NBPF9: variants seen among roughly 807,000 people sequenced by gnomAD.
The protein encoded by NBPF9 is NBPF family member NBPF9.
In NBPF9, 91 loss-of-function variants were observed where a neutral mutation model predicts 97.8. That is an observed-to-expected ratio of 0.93 (90% CI 0.79 to 1.11). The LOEUF is 1.11. Ranked by LOEUF, NBPF9 falls within the 50% of genes least tolerant of loss-of-function variation. The pLI is 0.00. For missense variants in NBPF9, 992 were observed against 939.5 expected (o/e 1.06, Z -0.73); for synonymous variants, 334 against 359.5 (o/e 0.93, Z 0.80).
At chr1:149,093,566 TGC>T (rs2081555207) in intron 4 of NBPF9, among the ~76,000 whole-genome samples, 1 of 129,202 alleles carries the variant, frequency 7.7e-6, no homozygotes, top group East Asian at 2.4e-4. Flanking sequence ...CAGTGTAGTG[TGC>T]CTCTGGGTAC....
In NBPF9 at chr1:149,099,350, G is replaced by A. The variant is rs1553662700; in HGVS notation, c.-605-644C>T. Among the ~76,000 whole-genome samples the A allele has an allele frequency of 2.0e-5, 3 of 152,318 alleles. No homozygotes were observed. The East Asian group carries it at 5.8e-4, about 29-fold the overall frequency. On this transcript the variant is annotated intron_variant, in intron 3 of 29. Transcript: ENST00000584027. ...ATTTTTCATTGACATTTCCTTTTAT[G>A]TCAGGTTGACTGTGACTCTGCTGTA...
chr1:149,063,015 A>G (rs1267742475), intron 20 of NBPF9, 102 bp from the exon 21 acceptor site: 12 of 594,548 alleles, frequency 2.0e-5, no homozygotes, highest in African/African-American at 4.1e-5. Context: ...GCTCCTCAGC[A>G]TGAGAATAGG....
chr1:149,071,178 A>G (rs1553652869), intron 15 of NBPF9, 39 bp from the exon 16 acceptor site: 4 of 1,319,096 alleles, frequency 3.0e-6, no homozygotes, highest in Non-Finnish European at 3.3e-6. Context: ...AGAAGATTAA[A>G]CACAGAGGGA....
At chr1:149,073,385 T>C (rs1553653467) in intron 13 of NBPF9, among the ~76,000 whole-genome samples, 1 of 141,026 alleles carries the variant, frequency 7.1e-6, no homozygotes, top group Non-Finnish European at 1.5e-5. Flanking sequence ...GCAACATTGA[T>C]TGAGTGAAAG....
chr1:149,063,872 T>C, intron 19 of NBPF9, 67 bp from the exon 20 acceptor site: 1 of 681,610 alleles, frequency 1.5e-6, no homozygotes, highest in Non-Finnish European at 2.7e-6. Flanking sequence ...CCCAGCTAGA[T>C]TTCATGGCTA....
intron 5 of NBPF9, among the ~76,000 whole-genome samples, chr1:149,084,098 A>G (rs1553657714): frequency 6.6e-6 from 1 of 151,372 alleles, no homozygotes; most frequent in Non-Finnish European, 1.5e-5. Context: ...TGGGAAATGA[A>G]CAATGAGAAC....
In NBPF9 at chr1:149,063,802, G is replaced by T. The variant is rs1553650844; in HGVS notation, c.1857C>A (p.Leu619=). 5 of 623,816 alleles carry T rather than the reference G, an allele frequency of 8.0e-6. No individual in the cohort carries two copies. In the East Asian group the frequency reaches 1.4e-4, roughly 18 times the overall value. 38.6% of individuals were successfully genotyped at this position (623,816 alleles called of 1,614,324 possible). The change falls in exon 20 of 30, where the codon CTC becomes CTA. Residue 619 remains leucine, a synonymous_variant. Coordinates refer to ENST00000584027, the Ensembl canonical transcript of NBPF9. ...CTTTCTCATCCAGCAGCTCCCTGCT[G>T]AGCCTGGAAAAGTGGGAAAAAGTAA...
chr1:149,077,361 T>A, exon 11 of NBPF9: 2 of 1,609,970 alleles, frequency 1.2e-6, no homozygotes, highest in South Asian at 2.2e-5. Context: ...GAACAAGTGA[T>A]GGCACATTCC....
chr1:149,064,720 G>C (rs1270061956), intron 18 of NBPF9: 8 of 617,720 alleles, frequency 1.3e-5, no homozygotes, highest in Admixed American at 5.8e-5. Context: ...TATGTGCTCT[G>C]TCCTAGGTTT....
rs185593854 is a variant in NBPF9, at chr1:149,071,276, G to C, written c.1380-137C>G. 1.0e-3 allele frequency: 1,392 copies of C among 1,398,312 alleles called. 14 individuals are homozygous for C. In the African/African-American group the frequency reaches 0.018, roughly 18 times the overall value. The allele number at this position is 1,398,312 out of a possible 1,614,324, so 86.6% of individuals were successfully genotyped here. On this transcript the variant is annotated intron_variant, in intron 15 of 29. Coordinates refer to ENST00000584027, the Ensembl canonical transcript of NBPF9. ...CAAAATGGAGGTTCCCATTAAGAGG[G>C]AACAGGTAATCCTCTTCTCTCTGCA...
intron 16 of NBPF9, among the ~76,000 whole-genome samples, chr1:149,070,276 G>T (rs1360942486): frequency 6.7e-6 from 1 of 148,754 alleles, no homozygotes; most frequent in Admixed American, 6.8e-5. Flanking sequence ...AGCCAAGATG[G>T]TGCCACTGTA....
At chr1:149,082,952 C>CTTT (rs1175496893) in intron 5 of NBPF9, among the ~76,000 whole-genome samples, 15 of 60,992 alleles carry the variant, frequency 2.5e-4, no homozygotes, top group South Asian at 6.2e-4. Flanking sequence ...GCTAATTTTT[C>CTTT]TTTTCTTTTT....
At chr1:149,087,074 A>G (rs1263392276) in intron 5 of NBPF9, among the ~76,000 whole-genome samples, 4 of 151,892 alleles carry the variant, frequency 2.6e-5, no homozygotes, top group Non-Finnish European at 4.4e-5. Context: ...ATTCTTATGG[A>G]TATGTACTGG....
At position 149,059,346 on chromosome 1, in the gene NBPF9, C is replaced by G; in HGVS notation, c.2586-249G>C. Reference sequence around the variant, plus strand: ...GACCTAGTGAATTGGCCGGGTGACACACTGATGAAGGAGTAAAAGGACACT... The same window carrying G: ...GACCTAGTGAATTGGCCGGGTGACAGACTGATGAAGGAGTAAAAGGACACT... On this transcript the variant is annotated intron_variant, in intron 25 of 29. Transcript: ENST00000584027. 8.7e-6 allele frequency: 4 copies of G among 460,442 alleles called. 1 individual carries two copies. The South Asian group carries it at 9.8e-5, about 11-fold the overall frequency. The allele number at this position is 460,442 out of a possible 1,614,324, so 28.5% of individuals were successfully genotyped here.
At position 149,071,785 on chromosome 1, in the gene NBPF9, A is replaced by C; in HGVS notation, c.1307-109T>G. The C allele has an allele frequency of 4.4e-6, 3 of 680,522 alleles. 1 individual carries two copies. The South Asian group carries it at 5.0e-5, about 11-fold the overall frequency. The allele number at this position is 680,522 out of a possible 1,614,324, so 42.2% of individuals were successfully genotyped here. A position where few individuals can be genotyped will look rare whatever the true frequency, so the allele number is the denominator to read the frequency against. ...AACATCTAGGCATGGGTCACCGTTC[A>C]ACTGAAAACTCTCATGTTTTATCTT... On this transcript the variant is annotated intron_variant, in intron 14 of 29. Transcript: ENST00000584027.
intron 5 of NBPF9, among the ~76,000 whole-genome samples, chr1:149,084,223 C>A (rs1482969614): frequency 6.3e-5 from 9 of 143,280 alleles, no homozygotes; most frequent in Non-Finnish European, 6.0e-5. Flanking sequence ...ATGGGTGCAG[C>A]AAACCAACAT....
At chr1:149,099,354 G>T (rs1475925628) in intron 3 of NBPF9, among the ~76,000 whole-genome samples, 1 of 152,208 alleles carries the variant, frequency 6.6e-6, no homozygotes, top group African/African-American at 2.4e-5. Flanking sequence ...TTTTATGTCA[G>T]GTTGACTGTG....
exon 15 of NBPF9, chr1:149,071,625 A>T (rs1575837294): frequency 1.5e-6 from 2 of 1,316,772 alleles, no homozygotes; most frequent in Middle Eastern, 5.6e-4. Context: ...CGATTTCTGC[A>T]CTTTCTCAGC....
At chr1:149,056,135 G>C (rs2147331) in intron 29 of NBPF9, among the ~76,000 whole-genome samples, 6,308 of 149,642 alleles carry the variant, frequency 0.042, 156 homozygotes, top group African/African-American at 0.12. Flanking sequence ...GAGAAAGTGA[G>C]CTAGTGAATT....
Sources: gnomAD v4.1 joint callset for allele counts (sites outside exome capture counted in the v4.1 genomes callset) on GRCh38, gnomAD v4.1.1 for gene constraint, MANE v1.5 for transcripts, NCBI Gene and HGNC (gene_info 2026-07-23, HGNC 2026-07-21) for gene names.